Variants in BABAM2 observed in about 807,000 individuals in gnomAD.
The protein encoded by BABAM2 is BRISC and BRCA1-A complex member 2.
Under a neutral mutation model 54.7 loss-of-function variants are expected in BABAM2, and 31 were observed. The ratio of observed to expected loss-of-function variants is 0.57; its 90% confidence interval spans 0.43 to 0.77. The LOEUF (loss-of-function observed/expected upper bound fraction) is 0.77, where lower values mean the gene tolerates loss of function less well. Among genes scored for constraint, BABAM2 ranks in the 30% least tolerant of loss-of-function variants. The pLI is 0.00. For missense variants in BABAM2, 364 were observed against 455.8 expected (o/e 0.80, Z 1.83); for synonymous variants, 167 against 162.9 (o/e 1.03, Z -0.19).
chr2:28,181,672 C>A (rs547739170), intron 7 of BABAM2, among the ~76,000 whole-genome samples: 1 of 151,724 alleles, frequency 6.6e-6, no homozygotes, highest in Non-Finnish European at 1.5e-5. Context: ...ACATATACCC[C>A]ATTAAAAAAG....
At chr2:27,917,544 G>A (rs1039968631) in intron 2 of BABAM2, among the ~76,000 whole-genome samples, 2 of 152,090 alleles carry the variant, frequency 1.3e-5, no homozygotes, top group Admixed American at 6.5e-5. Context: ...GGGCAGACGA[G>A]CTCCCTCAGG....
intron 6 of BABAM2, among the ~76,000 whole-genome samples, chr2:28,084,209 A>T (rs1421747646): frequency 6.6e-6 from 1 of 152,166 alleles, no homozygotes; most frequent in East Asian, 1.9e-4. Flanking sequence ...AAGGTAGGAA[A>T]GTAGTAGGAA....
intron 6 of BABAM2, among the ~76,000 whole-genome samples, chr2:28,078,022 A>T (rs747393029): frequency 1.3e-4 from 20 of 152,120 alleles, no homozygotes; most frequent in Non-Finnish European, 2.6e-4. Context: ...CAAAGAAATT[A>T]AATGGAAAAT....
intron 6 of BABAM2, among the ~76,000 whole-genome samples, chr2:28,103,301 T>TTTTTGTTTTGTTTTGTTTTG (rs76344388): frequency 1.1e-3 from 162 of 149,742 alleles, no homozygotes; most frequent in Admixed American, 1.9e-3. Flanking sequence ...TTACTTAGTA[T>TTTTTGTTTTGTTTTGTTTTG]TTTTGTTTTG....
At chr2:28,128,005 G>A (rs1384905179) in intron 6 of BABAM2, among the ~76,000 whole-genome samples, 1 of 151,934 alleles carries the variant, frequency 6.6e-6, no homozygotes, top group African/African-American at 2.4e-5. Flanking sequence ...GTAGAGACCG[G>A]GTTTCACCGT....
chr2:27,962,078 C>T (rs1046443659), intron 3 of BABAM2, among the ~76,000 whole-genome samples: 1 of 151,732 alleles, frequency 6.6e-6, no homozygotes, highest in African/African-American at 2.4e-5. Flanking sequence ...CAGTTTTGAA[C>T]TACTTTCTAA....
chr2:27,948,453 A>G (rs1270705374), intron 3 of BABAM2, among the ~76,000 whole-genome samples: 1 of 152,170 alleles, frequency 6.6e-6, no homozygotes, highest in African/African-American at 2.4e-5. Flanking sequence ...TGCACTGACT[A>G]GAATCTCCAA....
chr2:28,162,456 C>G (rs1457197329), intron 7 of BABAM2, among the ~76,000 whole-genome samples: 1 of 152,216 alleles, frequency 6.6e-6, no homozygotes, highest in Non-Finnish European at 1.5e-5. Flanking sequence ...GTATCCACTT[C>G]ACAGTTTTGA....
chr2:28,104,916 C>T (rs186927233), intron 6 of BABAM2, among the ~76,000 whole-genome samples: 5 of 151,922 alleles, frequency 3.3e-5, no homozygotes, highest in African/African-American at 1.2e-4. Context: ...GGAAACCGTC[C>T]TTCTCAGCAA....
At chr2:28,260,078 T>A (rs577038354) in intron 10 of BABAM2, among the ~76,000 whole-genome samples, 1 of 152,108 alleles carries the variant, frequency 6.6e-6, no homozygotes, top group South Asian at 2.1e-4. Context: ...TTTTTGTATT[T>A]TTAGTAGAGA....
chr2:28,107,067 A>G (rs904879330), intron 6 of BABAM2, among the ~76,000 whole-genome samples: 2 of 152,166 alleles, frequency 1.3e-5, no homozygotes, highest in Admixed American at 1.3e-4. Context: ...AACATAATAT[A>G]TAGGTTACAC....
chr2:28,228,371 T>A (rs968761050), intron 7 of BABAM2, among the ~76,000 whole-genome samples: 2 of 152,220 alleles, frequency 1.3e-5, no homozygotes, highest in Non-Finnish European at 2.9e-5. Flanking sequence ...CATTAAAACA[T>A]GTGTGCAGTG....
At chr2:27,911,669 C>A (rs1338307571) in intron 2 of BABAM2, among the ~76,000 whole-genome samples, 1 of 152,164 alleles carries the variant, frequency 6.6e-6, no homozygotes, top group Admixed American at 6.5e-5. Context: ...CAAGCCTCAT[C>A]AGTTCCTCTC....
intron 2 of BABAM2, among the ~76,000 whole-genome samples, chr2:27,905,619 T>C (rs1480081755): frequency 2.0e-5 from 3 of 152,222 alleles, no homozygotes; most frequent in Non-Finnish European, 2.9e-5. Context: ...CACTGTGTTA[T>C]TGTTGTCACA....
Position 28,255,945 on chromosome 2 carries a change from T to C in BABAM2, c.934+11083T>C, listed in dbSNP as rs1024931249. Reference sequence around the variant, plus strand: ...CCTCCCAAAGTGCTGAGATTACAGGTGTGTGCCACCACGCCTGGCCTAGCT... The same window carrying C: ...CCTCCCAAAGTGCTGAGATTACAGGCGTGTGCCACCACGCCTGGCCTAGCT... On this transcript the variant is annotated intron_variant, in intron 10 of 11. Coordinates refer to ENST00000379624, the MANE Select transcript of BABAM2 (RefSeq NM_199191.3). 7.2e-5 allele frequency among the ~76,000 whole-genome samples: 11 copies of C among 152,260 alleles called. No individual in the cohort carries two copies. The South Asian group carries it at 1.7e-3, about 23-fold the overall frequency.
intron 3 of BABAM2, among the ~76,000 whole-genome samples, chr2:27,969,837 A>G (rs1005466684): frequency 2.6e-5 from 4 of 152,134 alleles, no homozygotes; most frequent in East Asian, 1.9e-4. Context: ...CGCAGTTGAT[A>G]TGGTTGCCCC....
At chr2:28,259,509 C>T (rs1684306815) in intron 10 of BABAM2, among the ~76,000 whole-genome samples, 1 of 151,916 alleles carries the variant, frequency 6.6e-6, no homozygotes, top group Admixed American at 6.6e-5. Flanking sequence ...GGATACAAAC[C>T]CTTTGTCAGT....
chr2:28,058,613 G>A (rs764902372), intron 6 of BABAM2, among the ~76,000 whole-genome samples: 2 of 151,590 alleles, frequency 1.3e-5, no homozygotes, highest in Non-Finnish European at 2.9e-5. Flanking sequence ...GGGGTGCATG[G>A]TCACTTAACT....
chr2:28,101,784 T>G (rs1022183511), intron 6 of BABAM2, among the ~76,000 whole-genome samples: 3 of 152,198 alleles, frequency 2.0e-5, no homozygotes, highest in Admixed American at 6.5e-5. Context: ...GATAGGAAGC[T>G]CACACATTTT....
Sources: allele counts gnomAD v4.1 joint callset (sites outside exome capture counted in the v4.1 genomes callset), GRCh38; gene constraint gnomAD v4.1.1; transcripts MANE v1.5; gene names NCBI Gene and HGNC (gene_info 2026-07-23, HGNC 2026-07-21).